PDE6D: variants seen among roughly 807,000 people sequenced by gnomAD.
PDE6D encodes retinal rod rhodopsin-sensitive cGMP 3',5'-cyclic phosphodiesterase subunit delta.
PDE6D carries 10 observed loss-of-function variants against 21.9 expected under a neutral mutation model. The observed-to-expected ratio is 0.46, with a 90% CI of 0.28 to 0.78. PDE6D has a LOEUF of 0.78. Among genes scored for constraint, PDE6D ranks in the 30% least tolerant of loss-of-function variants. PDE6D has a pLI of 0.12. For missense variants in PDE6D, 139 were observed against 184.8 expected, an observed-to-expected ratio of 0.75 and a Z score of 1.44; for synonymous variants, 59 against 63.5, an observed-to-expected ratio of 0.93 and a Z score of 0.34.
intron 1 of PDE6D, among the ~76,000 whole-genome samples, chr2:231,752,241 A>G (rs374244422): frequency 1.5e-5 from 1 of 68,464 alleles, no homozygotes; most frequent in Non-Finnish European, 3.1e-5. Flanking sequence ...AAGCTGAGAG[A>G]GGGGAAAATA....
chr2:231,770,274 T>C (rs1413562596), intron 1 of PDE6D, among the ~76,000 whole-genome samples: 1 of 152,182 alleles, frequency 6.6e-6, no homozygotes, highest in Admixed American at 6.5e-5. Flanking sequence ...CAGAGGACAA[T>C]GTTTAAGAGG....
chr2:231,781,248 C>G lies in PDE6D; in HGVS notation c.-134G>C. The G allele has an allele frequency of 2.6e-6, 2 of 763,336 alleles. No individual in the cohort carries two copies. Among genetic ancestry groups the G allele is most frequent in the Non-Finnish European group, 2.2e-6 (1 of 452,724 alleles). 47.3% of individuals were successfully genotyped at this position (763,336 alleles called of 1,614,324 possible). A position where few individuals can be genotyped will look rare whatever the true frequency, so the allele number is the denominator to read the frequency against. On this transcript the variant is annotated 5_prime_UTR_variant, in exon 1 of 5. Transcript: ENST00000287600. ...AGCAGCCGCAGCGGCCAGACCAGGA[C>G]CGGCCTCTCTCTCCCCTCAGCTCCC...
intron 4 of PDE6D, among the ~76,000 whole-genome samples, chr2:231,734,339 T>C (rs1336308302): frequency 6.6e-6 from 1 of 152,038 alleles, no homozygotes; most frequent in Non-Finnish European, 1.5e-5. Flanking sequence ...ATTTTTGACT[T>C]ATGATATTTT....
intron 1 of PDE6D, among the ~76,000 whole-genome samples, chr2:231,770,268 G>C (rs967311136): frequency 6.6e-6 from 1 of 152,068 alleles, no homozygotes; most frequent in Non-Finnish European, 1.5e-5. Flanking sequence ...TGACTACAGA[G>C]GACAATGTTT....
chr2:231,772,494 G>A (rs192941197), intron 1 of PDE6D, among the ~76,000 whole-genome samples: 1 of 152,204 alleles, frequency 6.6e-6, no homozygotes, highest in Non-Finnish European at 1.5e-5. Context: ...GACAATTTGA[G>A]TTTTACGCAT....
intron 1 of PDE6D, among the ~76,000 whole-genome samples, chr2:231,763,672 G>A (rs1220302580): frequency 7.2e-6 from 1 of 139,770 alleles, no homozygotes; most frequent in African/African-American, 2.7e-5. Flanking sequence ...GTCTCACTCT[G>A]TTGCCCAGGC....
intron 1 of PDE6D, among the ~76,000 whole-genome samples, chr2:231,766,993 C>CAAAAAAAAAAAAAAAAA (rs3038045): frequency 5.5e-5 from 2 of 36,666 alleles, no homozygotes; most frequent in Admixed American, 3.4e-4. Context: ...GACTCCGTCT[C>CAAAAAAAAAAAAAAAAA]AAAAAAAAAA....
chr2:231,751,427 G>C (rs1043004359), intron 1 of PDE6D, among the ~76,000 whole-genome samples: 1 of 152,196 alleles, frequency 6.6e-6, no homozygotes, highest in African/African-American at 2.4e-5. Context: ...GATTACAGGC[G>C]TGAGCACTAT....
intron 1 of PDE6D, among the ~76,000 whole-genome samples, chr2:231,773,465 G>A (rs1347627129): frequency 6.6e-6 from 1 of 152,122 alleles, no homozygotes; most frequent in Non-Finnish European, 1.5e-5. Flanking sequence ...TTAACATTTG[G>A]CCAAGGCAAC....
chr2:231,774,406 A>G (rs576850037), intron 1 of PDE6D, among the ~76,000 whole-genome samples: 2 of 152,144 alleles, frequency 1.3e-5, no homozygotes, highest in Non-Finnish European at 2.9e-5. Context: ...GAGAGTCACA[A>G]TAGCAGAGGC....
intron 1 of PDE6D, among the ~76,000 whole-genome samples, chr2:231,747,408 TGAAA>T (rs1284533533): frequency 6.6e-6 from 1 of 152,224 alleles, no homozygotes; most frequent in African/African-American, 2.4e-5. Flanking sequence ...CTTTAAAGAA[TGAAA>T]GAGTGTGCTA....
At chr2:231,733,534 C>T (rs2048669052) in intron 4 of PDE6D, among the ~76,000 whole-genome samples, 1 of 152,156 alleles carries the variant, frequency 6.6e-6, no homozygotes, top group Admixed American at 6.5e-5. Context: ...TTCCTCCAGT[C>T]CATGTGCCAA....
intron 1 of PDE6D, among the ~76,000 whole-genome samples, chr2:231,762,838 C>T (rs2106280114): frequency 1.3e-5 from 2 of 152,128 alleles, no homozygotes; most frequent in Middle Eastern, 6.8e-3. Flanking sequence ...GTGGCTCACA[C>T]CTGTAATCCC....
chr2:231,734,716 G>T (rs1033096070), intron 4 of PDE6D, among the ~76,000 whole-genome samples: 1 of 150,552 alleles, frequency 6.6e-6, no homozygotes, highest in African/African-American at 2.4e-5. Context: ...GCGTGGTGGC[G>T]GGTGCCTGTA....
At chr2:231,776,330 A>G (rs1173935456) in intron 1 of PDE6D, among the ~76,000 whole-genome samples, 1 of 151,488 alleles carries the variant, frequency 6.6e-6, no homozygotes, top group Admixed American at 6.6e-5. Flanking sequence ...TCAAAAAAAA[A>G]AAAAAAAAAA....
In PDE6D at chr2:231,737,281, C is replaced by G. The variant is rs546985183; in HGVS notation, c.277G>C (p.Glu93Gln). 3.1e-6 allele frequency: 5 copies of G among 1,605,450 alleles called. No homozygotes were observed. The highest frequency in any genetic ancestry group is 4.3e-6 in the Non-Finnish European group (5 of 1,172,408). Residue 93 changes from glutamate to glutamine, a missense_variant, in exon 4 of 5, where the codon GAG (glutamate) becomes CAG (glutamine). By Grantham distance (29) the Glu-to-Gln change is conservative. Coordinates refer to ENST00000287600, the MANE Select transcript of PDE6D (RefSeq NM_002601.4). ...GAGTTAGGGATCACAAAGCCAAACT[C>G]GAAGAACCATTCTGAAGGAAGAAGG... ...KGQCLEEWFF[E>Q]FGFVIPNSTN...
At chr2:231,742,115 T>C (rs935999377) in intron 1 of PDE6D, among the ~76,000 whole-genome samples, 2 of 152,026 alleles carry the variant, frequency 1.3e-5, no homozygotes, top group Admixed American at 6.6e-5. Flanking sequence ...AGAAACTAGA[T>C]AGACTGTGTT....
At chr2:231,751,972 T>C (rs2048843527) in intron 1 of PDE6D, among the ~76,000 whole-genome samples, 1 of 152,232 alleles carries the variant, frequency 6.6e-6, no homozygotes, top group Non-Finnish European at 1.5e-5. Flanking sequence ...AATAACTATA[T>C]GAATTACTTG....
intron 1 of PDE6D, among the ~76,000 whole-genome samples, chr2:231,763,459 C>G (rs1437987533): frequency 6.6e-6 from 1 of 152,128 alleles, no homozygotes. Flanking sequence ...GGGGATTCCA[C>G]AGCTGTACCA....
Sources: gnomAD v4.1 joint callset for allele counts (sites outside exome capture counted in the v4.1 genomes callset) on GRCh38, gnomAD v4.1.1 for gene constraint, MANE v1.5 for transcripts, NCBI Gene and HGNC (gene_info 2026-07-23, HGNC 2026-07-21) for gene names.